The following LEPR variants were observed in gnomAD, a reference collection of about 807,000 sequenced individuals.
LEPR encodes leptin receptor, also known as OB receptor.
Under a neutral mutation model 114.7 loss-of-function variants are expected in LEPR, and 56 were observed. The ratio of observed to expected loss-of-function variants is 0.49; its 90% CI spans 0.39 to 0.61. The LOEUF is 0.61. LEPR is among the 20% of genes least tolerant of loss of function. The probability of loss-of-function intolerance (pLI) is 0.00; values close to 1 mark genes in which losing one functional copy is unlikely to be tolerated. For missense variants in LEPR, 1,202 were observed against 1,352.9 expected (o/e 0.89, Z 1.75); for synonymous variants, 443 against 461.4 (o/e 0.96, Z 0.51).
At chr1:65,432,979 AC>A in intron 2 of LEPR, 1 of 985,456 alleles carries the variant, frequency 1.0e-6, no homozygotes, top group Non-Finnish European at 1.2e-6. Context: ...CCCCAAAAAA[AC>A]ATCTCAGTGG....
chr1:65,624,888 C>A (rs1658106259), intron 19 of LEPR, among the ~76,000 whole-genome samples: 1 of 152,138 alleles, frequency 6.6e-6, no homozygotes, highest in Non-Finnish European at 1.5e-5. Context: ...TCAGAAGCAG[C>A]AGTAGTGTTG....
At chr1:65,568,520 GTGTGTGCA>G (rs1321792606) in intron 3 of LEPR, among the ~76,000 whole-genome samples, 8 of 151,796 alleles carry the variant, frequency 5.3e-5, no homozygotes, top group Non-Finnish European at 1.2e-4. Context: ...GTGTGTGTGT[GTGTGTGCA>G]TGTGCATGTG....
intron 2 of LEPR, among the ~76,000 whole-genome samples, chr1:65,498,039 T>C (rs1557625277): frequency 6.6e-6 from 1 of 152,148 alleles, no homozygotes. Context: ...TGTGGCATCA[T>C]GAATTGAGCA....
At position 65,638,857 on chromosome 1, in the gene LEPR, G is replaced by A. The variant is rs1658794143; in HGVS notation, c.*1842G>A. 1 of 152,178 alleles carries A rather than the reference G, an allele frequency of 6.6e-6. No homozygotes were observed. The highest frequency in any genetic ancestry group is 1.5e-5 in the Non-Finnish European group (1 of 68,028). 9.4% of individuals were successfully genotyped at this position (152,178 alleles called of 1,614,324 possible). The stretch of plus-strand genomic sequence containing the variant: ...GTTCTATGCAAAGATAAATGGAGAA[G>A]CGTTTTTTTCATGGATAATTTTACA... On this transcript the variant is annotated 3_prime_UTR_variant, in exon 20 of 20. Coordinates refer to ENST00000349533, the MANE Select transcript of LEPR (RefSeq NM_002303.6).
At chr1:65,596,320 G>A (rs1570778602) in intron 6 of LEPR, 128 bp from the exon 7 acceptor site, 1 of 1,154,360 alleles carries the variant, frequency 8.7e-7, no homozygotes, top group African/African-American at 1.5e-5. Context: ...ATTAGTCCTT[G>A]GATAAAGTCA....
chr1:65,593,225 T>C (rs1655828226), intron 6 of LEPR, among the ~76,000 whole-genome samples: 1 of 152,132 alleles, frequency 6.6e-6, no homozygotes, highest in Non-Finnish European at 1.5e-5. Context: ...TAGAGGCTCA[T>C]GTTTGTCAGA....
intron 2 of LEPR, among the ~76,000 whole-genome samples, chr1:65,453,291 C>G (rs1204078089): frequency 1.3e-5 from 2 of 152,004 alleles, no homozygotes; most frequent in Non-Finnish European, 2.9e-5. Context: ...CAGTTCTGCT[C>G]TGATTTTAGT....
chr1:65,535,724 G>A (rs1308018664), intron 2 of LEPR, among the ~76,000 whole-genome samples: 3 of 152,040 alleles, frequency 2.0e-5, no homozygotes, highest in Non-Finnish European at 2.9e-5. Context: ...TTAGGTAAGT[G>A]GCTTCTTGGT....
chr1:65,545,018 C>G (rs1253605614), intron 2 of LEPR, among the ~76,000 whole-genome samples: 2 of 150,030 alleles, frequency 1.3e-5, no homozygotes, highest in African/African-American at 4.9e-5. Flanking sequence ...CATGTGTTCT[C>G]ATTGTTCAAT....
At chr1:65,616,248 A>G (rs760388869) in intron 15 of LEPR, 24 bp downstream of exon 15, 38 of 1,606,992 alleles carry the variant, frequency 2.4e-5, no homozygotes, top group African/African-American at 9.4e-5. Context: ...CAGAGTGGTA[A>G]TCCATTGCCT....
chr1:65,574,544 T>C (rs780188055), intron 5 of LEPR, among the ~76,000 whole-genome samples: 5 of 152,226 alleles, frequency 3.3e-5, no homozygotes, highest in Non-Finnish European at 5.9e-5. Context: ...GAGGTTAATA[T>C]GACAGATTTT....
At chr1:65,487,560 C>T (rs1244960975) in intron 2 of LEPR, among the ~76,000 whole-genome samples, 1 of 151,578 alleles carries the variant, frequency 6.6e-6, no homozygotes, top group African/African-American at 2.4e-5. Context: ...AAGGTTGTAC[C>T]AGAGTAAAGA....
intron 2 of LEPR, among the ~76,000 whole-genome samples, chr1:65,547,875 T>C (rs1371784486): frequency 1.7e-4 from 22 of 127,344 alleles, no homozygotes; most frequent in Non-Finnish European, 3.6e-4. Flanking sequence ...GCTCTTGCTT[T>C]TCTAGTTCTT....
At chr1:65,461,226 C>T (rs957007707) in intron 2 of LEPR, among the ~76,000 whole-genome samples, 11 of 152,102 alleles carry the variant, frequency 7.2e-5, no homozygotes, top group Admixed American at 4.6e-4. Flanking sequence ...CCGCCTGCCT[C>T]GGCCTCCCAA....
rs1658721462 is a variant in LEPR, at chr1:65,636,442, G to A, written c.2925G>A (p.Glu975=). The A allele has an allele frequency of 4.3e-6, 7 of 1,614,052 alleles. No individual in the cohort carries two copies. The East Asian group carries it at 1.6e-4, about 36-fold the overall frequency. Residue 975 remains glutamate, a synonymous_variant, in exon 20 of 20, where the codon GAG becomes GAA. Coordinates refer to ENST00000349533, the MANE Select transcript of LEPR (RefSeq NM_002303.6). ...SEAEGTEVTY[E]DESQRQPFVK... The stretch of plus-strand genomic sequence containing the variant: ...CTGAGGGTACTGAGGTAACCTATGA[G>A]GACGAAAGCCAGAGACAACCCTTTG...
intron 3 of LEPR, among the ~76,000 whole-genome samples, chr1:65,566,625 G>T (rs1653780869): frequency 6.6e-6 from 1 of 152,196 alleles, no homozygotes; most frequent in Non-Finnish European, 1.5e-5. Context: ...TGAAATTAAA[G>T]TTAGAGTATC....
rs772139969 is a variant in LEPR at position 65,616,044 on chromosome 1, A to G, written c.2032A>G (p.Arg678Gly). The G allele has an allele frequency of 1.9e-6, 3 of 1,614,170 alleles. No homozygotes were observed. Among genetic ancestry groups the G allele is most frequent in the South Asian group, 1.1e-5 (1 of 91,088 alleles). ...MKNDSLCSVQ[R>G]YVINHHTSCN... ...AAATGACTCATTGTGCAGTGTTCAG[A>G]GATATGTGATAAACCATCATACTTC... The change falls in exon 15 of 20, where the codon AGA becomes GGA. Residue 678 changes from arginine to glycine, a missense_variant. Arg to Gly is a moderately radical substitution (Grantham distance 125). Coordinates refer to ENST00000349533, the MANE Select transcript of LEPR (RefSeq NM_002303.6).
At chr1:65,518,905 CTTTCTTTCTTTCTCTCTTTCTCTG>C in intron 2 of LEPR, among the ~76,000 whole-genome samples, 1 of 90,500 alleles carries the variant, frequency 1.1e-5, no homozygotes, top group South Asian at 3.4e-4. Flanking sequence ...TTCTTTCTTT[CTTTCTTTCTTTCTCTCTTTCTCTG>C]TTTCTTTCTT....
At chr1:65,503,790 G>C (rs1044249755) in intron 2 of LEPR, among the ~76,000 whole-genome samples, 5 of 118,468 alleles carry the variant, frequency 4.2e-5, no homozygotes, top group African/African-American at 1.5e-4. Flanking sequence ...ATATACTGAA[G>C]TTAGCTACAC....
Sources: gnomAD v4.1 joint callset for allele counts (sites outside exome capture counted in the v4.1 genomes callset) on GRCh38, gnomAD v4.1.1 for gene constraint, MANE v1.5 for transcripts, NCBI Gene and HGNC (gene_info 2026-07-23, HGNC 2026-07-21) for gene names.